Variants in PLEKHA5 observed in about 807,000 individuals in gnomAD.
PLEKHA5 encodes the protein pleckstrin homology domain containing A5.
Under a neutral mutation model 181.9 loss-of-function variants are expected in PLEKHA5, and 55 were observed. The ratio of observed to expected loss-of-function variants is 0.30; its 90% CI spans 0.24 to 0.38. The LOEUF (loss-of-function observed/expected upper bound fraction) is 0.38, where lower values mean the gene tolerates loss of function less well. PLEKHA5 is among the 10% of genes least tolerant of loss of function. The pLI is 1.00. For synonymous variants in PLEKHA5, 535 were observed against 529.4 expected (o/e 1.01, Z -0.15); for missense variants, 1,432 against 1,549.5 (o/e 0.92, Z 1.27).
At chr12:19,374,474 A>G (rs1264572798) in intron 31 of PLEKHA5, among the ~76,000 whole-genome samples, 2 of 151,788 alleles carry the variant, frequency 1.3e-5, no homozygotes, top group Non-Finnish European at 2.9e-5. Flanking sequence ...TGTGGCCAAC[A>G]TGGTTGAAAC....
At chr12:19,194,786 G>C (rs1031348811) in intron 3 of PLEKHA5, among the ~76,000 whole-genome samples, 4 of 152,110 alleles carry the variant, frequency 2.6e-5, no homozygotes, top group African/African-American at 9.7e-5. Context: ...GCTGGAATTG[G>C]AAATCTCAGA....
chr12:19,210,200 G>A (rs143890687), intron 3 of PLEKHA5, among the ~76,000 whole-genome samples: 4 of 152,258 alleles, frequency 2.6e-5, no homozygotes, highest in Admixed American at 6.5e-5. Flanking sequence ...TTTTGTTAAG[G>A]ATTAGTTTAT....
chr12:19,162,928 C>T (rs527465946), intron 3 of PLEKHA5, among the ~76,000 whole-genome samples: 156 of 152,276 alleles, frequency 1.0e-3, no homozygotes, highest in Non-Finnish European at 1.6e-3. Flanking sequence ...GAGGCTAGGA[C>T]TCTAGACTAG....
At chr12:19,216,477 A>G (rs1191507466) in intron 3 of PLEKHA5, among the ~76,000 whole-genome samples, 2 of 152,102 alleles carry the variant, frequency 1.3e-5, no homozygotes, top group South Asian at 2.1e-4. Flanking sequence ...AGCCTGGCCA[A>G]CATGCCGAAA....
intron 3 of PLEKHA5, among the ~76,000 whole-genome samples, chr12:19,158,042 G>C (rs2042157025): frequency 6.6e-6 from 1 of 151,994 alleles, no homozygotes; most frequent in Non-Finnish European, 1.5e-5. Context: ...TTATAATCAA[G>C]TTTTAAAAAT....
rs186978566 is a variant in PLEKHA5, at chr12:19,278,670, T to C, written c.1313+3687T>C. Among the ~76,000 whole-genome samples the C allele has an allele frequency of 2.2e-4, 33 of 152,198 alleles. No individual in the cohort carries two copies. In the East Asian group the frequency reaches 5.0e-3, roughly 23 times the overall value. ...TCTGGATGTTTTCCAGTTTCTGGCT[T>C]TCGTGTGATAGGAGACGGTGAAGAT... is the stretch of plus-strand genomic sequence containing the variant. On this transcript the variant is annotated intron_variant, in intron 11 of 31. Coordinates refer to ENST00000429027, the MANE Select transcript of PLEKHA5 (RefSeq NM_001256470.2).
At chr12:19,201,752 G>A (rs1214088809) in intron 3 of PLEKHA5, 6 of 152,188 alleles carry the variant, frequency 3.9e-5, no homozygotes, top group Admixed American at 3.9e-4. Context: ...GAATTTCCCA[G>A]AAAGGCAAAT....
intron 3 of PLEKHA5, among the ~76,000 whole-genome samples, chr12:19,199,328 AAAATAT>A (rs2053658327): frequency 6.6e-6 from 1 of 152,198 alleles, no homozygotes; most frequent in Non-Finnish European, 1.5e-5. Context: ...AGAAAGCAAT[AAAATAT>A]AAATAAAAAT....
At chr12:19,181,717 A>G (rs186724134) in intron 3 of PLEKHA5, among the ~76,000 whole-genome samples, 12 of 152,302 alleles carry the variant, frequency 7.9e-5, no homozygotes, top group East Asian at 3.9e-4. Flanking sequence ...CAGAGGTTAC[A>G]GTGAGCCGAG....
chr12:19,141,958 A>G (rs1379612576), intron 3 of PLEKHA5, among the ~76,000 whole-genome samples: 1 of 152,144 alleles, frequency 6.6e-6, no homozygotes, highest in Admixed American at 6.5e-5. Context: ...CCTTCCAAAT[A>G]ACTTGGATTA....
At chr12:19,190,034 T>G (rs2050732663) in intron 3 of PLEKHA5, among the ~76,000 whole-genome samples, 1 of 152,216 alleles carries the variant, frequency 6.6e-6, no homozygotes, top group Non-Finnish European at 1.5e-5. Flanking sequence ...AACGTGCGCT[T>G]CTTCATTTCC....
chr12:19,273,795 T>TA (rs147536927), intron 10 of PLEKHA5, among the ~76,000 whole-genome samples: 1,873 of 152,314 alleles, frequency 0.012, 25 homozygotes, highest in African/African-American at 0.043. Context: ...GTTGGAATTA[T>TA]AATGGTAAAA....
intron 3 of PLEKHA5, among the ~76,000 whole-genome samples, chr12:19,165,221 A>G (rs2044039557): frequency 1.3e-5 from 2 of 152,194 alleles, no homozygotes; most frequent in African/African-American, 4.8e-5. Context: ...GCAGGTCTTC[A>G]AAGAAGTGCT....
chr12:19,266,793 T>G (rs2070607700), intron 8 of PLEKHA5, among the ~76,000 whole-genome samples: 1 of 152,058 alleles, frequency 6.6e-6, no homozygotes, highest in African/African-American at 2.4e-5. Flanking sequence ...TAATAATTAT[T>G]AATAATAAAT....
intron 20 of PLEKHA5, among the ~76,000 whole-genome samples, chr12:19,334,829 A>T (rs11834644): frequency 7.0e-4 from 13 of 18,588 alleles, no homozygotes; most frequent in African/African-American, 1.5e-3. Context: ...AAAAAAAAAA[A>T]ATATATATAT....
At chr12:19,365,083 T>A (rs2095382617) in intron 29 of PLEKHA5, among the ~76,000 whole-genome samples, 2 of 152,056 alleles carry the variant, frequency 1.3e-5, no homozygotes, top group Non-Finnish European at 2.9e-5. Context: ...TAAAATCATA[T>A]AACTTTGGCC....
intron 8 of PLEKHA5, among the ~76,000 whole-genome samples, chr12:19,268,559 T>C (rs185376626): frequency 6.6e-6 from 1 of 152,362 alleles, no homozygotes; most frequent in Admixed American, 6.5e-5. Flanking sequence ...CTGACATTGT[T>C]GCAAATGCTT....
chr12:19,256,524 G>A (rs1217912896), intron 5 of PLEKHA5, among the ~76,000 whole-genome samples: 7 of 152,074 alleles, frequency 4.6e-5, no homozygotes, highest in Admixed American at 3.3e-4. Flanking sequence ...TTTTTGTGTC[G>A]TTTGAGTTTT....
intron 3 of PLEKHA5, among the ~76,000 whole-genome samples, chr12:19,179,455 G>A (rs191254576): frequency 5.5e-4 from 84 of 152,264 alleles, no homozygotes; most frequent in African/African-American, 1.6e-3. Context: ...TCAGGAGTTT[G>A]AGACCAGCCT....
Sources: allele counts gnomAD v4.1 joint callset (sites outside exome capture counted in the v4.1 genomes callset), GRCh38; gene constraint gnomAD v4.1.1; transcripts MANE v1.5; gene names NCBI Gene and HGNC (gene_info 2026-07-23, HGNC 2026-07-21).